The following RNF7 variants were observed in gnomAD, a reference collection of about 807,000 sequenced individuals.
RNF7 encodes the protein ring finger protein 7.
Under a neutral mutation model 17.0 loss-of-function variants are expected in RNF7, and 9 were observed. That is an observed-to-expected ratio of 0.53 (90% CI 0.32 to 0.92). The LOEUF is 0.92. RNF7 is among the 40% of genes least tolerant of loss of function. The pLI is 0.04. For missense variants in RNF7, 87 were observed against 145.8 expected (o/e 0.60, Z 2.08); for synonymous variants, 59 against 50.5 (o/e 1.17, Z -0.72).
At chr3:141,742,523 GAA>G (rs970663834) in intron 1 of RNF7, 5 of 856,688 alleles carry the variant, frequency 5.8e-6, no homozygotes, top group Non-Finnish European at 6.3e-6. Context: ...TTCTTACAAA[GAA>G]AAAACCTTAG....
chr3:141,743,491 CTATT>C lies in RNF7; in HGVS notation c.176-16_176-13del. On this transcript the variant is annotated splice_polypyrimidine_tract_variant and intron_variant, in intron 1 of 2. Coordinates refer to ENST00000273480, the MANE Select transcript of RNF7 (RefSeq NM_014245.5). ...ATTCTGAGCATCAGAATGAGAATCG[CTATT>C]TGTTTACTTTTAGATGCCTGTCTTA... is the stretch of plus-strand genomic sequence containing the variant. 6.2e-7 allele frequency: 1 copy of C among 1,602,770 alleles called. No individual in the cohort carries two copies. Among genetic ancestry groups the C allele is most frequent in the Non-Finnish European group, 8.5e-7 (1 of 1,173,184 alleles).
rs373601273 is a variant in RNF7, at chr3:141,741,333, A to C, written c.176-2176A>C. On this transcript the variant is annotated intron_variant, in intron 1 of 2. Transcript: ENST00000273480. ...TTGGTCATTTTGGTGTCCCCAGTGC[A>C]TAACTCCTTGCACAGAGGAGATAGT... is the stretch of plus-strand genomic sequence containing the variant. Among the ~76,000 whole-genome samples the C allele has an allele frequency of 7.2e-5, 11 of 152,310 alleles. No homozygotes were observed. The East Asian group carries it at 1.4e-3, about 19-fold the overall frequency.
At chr3:141,742,788 A>G (rs1290803594) in intron 1 of RNF7, 1 of 1,266,264 alleles carries the variant, frequency 7.9e-7, no homozygotes, top group Non-Finnish European at 1.0e-6. Flanking sequence ...CTGGATGACC[A>G]TCGGTAGCAA....
chr3:141,742,925 T>C (rs2084435644), intron 1 of RNF7: 2 of 1,030,220 alleles, frequency 1.9e-6, no homozygotes, highest in Non-Finnish European at 2.3e-6. Flanking sequence ...TGGATGACTT[T>C]AAAAAACTTG....
rs982446905 is a variant in RNF7, at chr3:141,745,709, C to A, written c.*432C>A. ...AGTGCAGTTTAAAACCCAACTCTTA[C>A]TCTTAATTTGTTCCTAATACGTATT... is the stretch of plus-strand genomic sequence containing the variant. On this transcript the variant is annotated 3_prime_UTR_variant, in exon 3 of 3. Coordinates refer to ENST00000273480, the MANE Select transcript of RNF7 (RefSeq NM_014245.5). 6.5e-6 allele frequency: 1 copy of A among 152,702 alleles called. No individual in the cohort carries two copies. The highest frequency in any genetic ancestry group is 2.4e-5 in the African/African-American group (1 of 41,432). 9.5% of individuals were successfully genotyped at this position (152,702 alleles called of 1,614,324 possible). A position where few individuals can be genotyped will look rare whatever the true frequency, so the allele number is the denominator to read the frequency against.
At chr3:141,742,061 A>G (rs1238809535) in intron 1 of RNF7, among the ~76,000 whole-genome samples, 1 of 151,864 alleles carries the variant, frequency 6.6e-6, no homozygotes, top group African/African-American at 2.4e-5. Context: ...TTGTGTCACA[A>G]GGGTTTGTTG....
At chr3:141,743,827 A>G (rs1182339365) in intron 2 of RNF7, among the ~76,000 whole-genome samples, 7 of 152,236 alleles carry the variant, frequency 4.6e-5, no homozygotes, top group African/African-American at 1.7e-4. Context: ...AATATTTTCT[A>G]TTAAGAAAAT....
intron 1 of RNF7, 77 bp from the exon 2 acceptor site, chr3:141,743,432 T>G: frequency 1.8e-6 from 2 of 1,140,044 alleles, no homozygotes; most frequent in South Asian, 1.3e-5. Context: ...CCTTAGGGCT[T>G]TTGACTTTGA....
At chr3:141,742,536 T>C in intron 1 of RNF7, 1 of 947,482 alleles carries the variant, frequency 1.1e-6, no homozygotes, top group Non-Finnish European at 1.4e-6. Flanking sequence ...AAAACCTTAG[T>C]GTTTAGGGAT....
At chr3:141,742,720 A>G (rs543453329) in intron 1 of RNF7, 6 of 1,258,272 alleles carry the variant, frequency 4.8e-6, no homozygotes, top group South Asian at 1.2e-5. Flanking sequence ...TTGACTGTAG[A>G]TCTGGCTCCA....
intron 2 of RNF7, among the ~76,000 whole-genome samples, chr3:141,744,417 A>T (rs1207711201): frequency 6.6e-6 from 1 of 151,684 alleles, no homozygotes; most frequent in African/African-American, 2.4e-5. Flanking sequence ...CATATAGCTC[A>T]GTTGATCAAG....
rs1243284381 is a variant in RNF7 at position 141,746,196 on chromosome 3, C to CA, written c.*922dup. ...TTCCCCATGTTGGCCAGGCTGGTCT[C>CA]AAACTCCTGACCTCAGGTGATTCGC... On this transcript the variant is annotated 3_prime_UTR_variant, in exon 3 of 3. Coordinates refer to ENST00000273480, the MANE Select transcript of RNF7 (RefSeq NM_014245.5). 2.6e-5 allele frequency: 4 copies of CA among 152,072 alleles called. No individual in the cohort carries two copies. Among genetic ancestry groups the CA allele is most frequent in the African/African-American group, 9.7e-5 (4 of 41,386 alleles). 9.4% of individuals were successfully genotyped at this position (152,072 alleles called of 1,614,324 possible). A position where few individuals can be genotyped will look rare whatever the true frequency, so the allele number is the denominator to read the frequency against.
At chr3:141,743,439 T>C (rs756661144) in intron 1 of RNF7, 70 bp from the exon 2 acceptor site, 20 of 1,242,500 alleles carry the variant, frequency 1.6e-5, no homozygotes, top group Non-Finnish European at 2.2e-5. Context: ...GCTTTTGACT[T>C]TGAAGTGTCT....
chr3:141,742,602 C>T (rs748989232), intron 1 of RNF7: 1 of 1,171,340 alleles, frequency 8.5e-7, no homozygotes, highest in East Asian at 5.8e-5. Context: ...ATCATCCCCA[C>T]TTAATATATA....
chr3:141,743,224 A>T (rs571896152), intron 1 of RNF7, among the ~76,000 whole-genome samples: 1 of 152,258 alleles, frequency 6.6e-6, no homozygotes, highest in African/African-American at 2.4e-5. Flanking sequence ...GGAGTATGGC[A>T]TATTTTTCTC....
intron 1 of RNF7, chr3:141,742,684 C>G (rs1577899683): frequency 8.4e-7 from 1 of 1,185,922 alleles, no homozygotes; most frequent in African/African-American, 1.6e-5. Flanking sequence ...AGGCCCTGAA[C>G]CTAATAAATG....
chr3:141,747,209 C>T lies in RNF7; in HGVS notation c.*1932C>T, dbSNP rs2084483044. ...CTGTGACAAAGCAGCGCTGATGCTG[C>T]TCAGCCTGCGATGATTACAGCTCAT... On this transcript the variant is annotated 3_prime_UTR_variant, in exon 3 of 3. Transcript: ENST00000273480. 1 of 152,260 alleles carries T rather than the reference C, an allele frequency of 6.6e-6. No individual in the cohort carries two copies. Among genetic ancestry groups the T allele is most frequent in the Non-Finnish European group, 1.5e-5 (1 of 68,058 alleles). 9.4% of individuals were successfully genotyped at this position (152,260 alleles called of 1,614,324 possible).
chr3:141,742,800 C>G (rs1442201880), intron 1 of RNF7: 8 of 1,246,316 alleles, frequency 6.4e-6, no homozygotes, highest in African/African-American at 1.6e-5. Context: ...CGGTAGCAAC[C>G]TATTGGAAGC....
chr3:141,740,467 A>T (rs569121854), intron 1 of RNF7, among the ~76,000 whole-genome samples: 1 of 152,338 alleles, frequency 6.6e-6, no homozygotes, highest in Non-Finnish European at 1.5e-5. Flanking sequence ...ACATTTCATC[A>T]TAAACTTTCT....
Sources: allele counts gnomAD v4.1 joint callset (sites outside exome capture counted in the v4.1 genomes callset), GRCh38; gene constraint gnomAD v4.1.1; transcripts MANE v1.5; gene names NCBI Gene and HGNC (gene_info 2026-07-23, HGNC 2026-07-21).